The following ACSL3 variants were observed in gnomAD, a reference collection of about 807,000 sequenced individuals.
ACSL3 encodes the protein fatty acid CoA ligase Acsl3.
In ACSL3, 34 loss-of-function variants were observed where a neutral mutation model predicts 84.7. The ratio of observed to expected loss-of-function variants is 0.40; its 90% CI spans 0.31 to 0.53. The LOEUF (loss-of-function observed/expected upper bound fraction) is 0.53. Among genes scored for constraint, ACSL3 ranks in the 20% least tolerant of loss-of-function variants. The pLI, the probability that ACSL3 is intolerant of heterozygous loss-of-function variation, is 0.48. For synonymous variants in ACSL3, 315 were observed against 299.4 expected (o/e 1.05, Z -0.54); for missense variants, 680 against 873.1 (o/e 0.78, Z 2.79).
rs369324781 is a variant in ACSL3 at position 222,921,376 on chromosome 2, A to G, written c.902A>G (p.His301Arg). ...TGLPKGVMIS[H>R]SNIIAGITGM... ...CTTCCAAAGGGAGTCATGATCTCAC[A>G]TAGTAACATTATTGCTGGTATAACT... Residue 301 changes from histidine (H) to arginine (R), a missense_variant, in exon 8 of 17, where the codon CAT becomes CGT. Coordinates refer to ENST00000357430, the MANE Select transcript of ACSL3 (RefSeq NM_004457.5). The G allele has an allele frequency of 1.2e-6, 2 of 1,602,782 alleles. No homozygotes were observed. The highest frequency in any genetic ancestry group is 1.7e-6 in the Non-Finnish European group (2 of 1,170,558).
chr2:222,918,944 C>T, intron 6 of ACSL3, 120 bp from the exon 7 acceptor site: 2 of 1,207,514 alleles, frequency 1.7e-6, no homozygotes, highest in Non-Finnish European at 2.3e-6. Flanking sequence ...TGTACCCTTT[C>T]TTCTTTCTTT....
intron 4 of ACSL3, among the ~76,000 whole-genome samples, chr2:222,914,525 GT>G (rs1334608464): frequency 6.6e-6 from 1 of 152,140 alleles, no homozygotes; most frequent in African/African-American, 2.4e-5. Flanking sequence ...GCCTTCCAAA[GT>G]GTTGAGATTA....
intron 4 of ACSL3, among the ~76,000 whole-genome samples, chr2:222,911,269 G>A (rs1390657965): frequency 6.6e-6 from 1 of 152,014 alleles, no homozygotes; most frequent in African/African-American, 2.4e-5. Flanking sequence ...GGCTGGTCTC[G>A]AACTCCCAGC....
intron 4 of ACSL3, among the ~76,000 whole-genome samples, chr2:222,915,059 T>G (rs1370705606): frequency 6.6e-6 from 1 of 151,570 alleles, no homozygotes; most frequent in Non-Finnish European, 1.5e-5. Context: ...TCCTGTCACT[T>G]ACATATTAGA....
intron 1 of ACSL3, among the ~76,000 whole-genome samples, chr2:222,872,874 G>C (rs1317774743): frequency 6.6e-6 from 1 of 151,992 alleles, no homozygotes; most frequent in Admixed American, 6.6e-5. Flanking sequence ...TTGGCTTTGG[G>C]GAAAATCCAC....
chr2:222,874,913 C>A (rs1372733607), intron 1 of ACSL3, among the ~76,000 whole-genome samples: 1 of 151,328 alleles, frequency 6.6e-6, no homozygotes, highest in Non-Finnish European at 1.5e-5. Flanking sequence ...TTTGAGACAG[C>A]CTGGGCAACA....
At chr2:222,885,484 T>C (rs1695697530) in intron 1 of ACSL3, among the ~76,000 whole-genome samples, 1 of 152,170 alleles carries the variant, frequency 6.6e-6, no homozygotes, top group Non-Finnish European at 1.5e-5. Flanking sequence ...TAATAAACAA[T>C]GTGGAATTTT....
rs1697344010 is a variant in ACSL3 at position 222,942,630 on chromosome 2, A to G, written c.*976A>G. 1 of 201,470 alleles carries G rather than the reference A, an allele frequency of 5.0e-6. No homozygotes were observed. The highest frequency in any genetic ancestry group is 2.3e-5 in the African/African-American group (1 of 43,592). The allele number at this position is 201,470 out of a possible 1,614,324, so 12.5% of individuals were successfully genotyped here. On this transcript the variant is annotated 3_prime_UTR_variant, in exon 17 of 17. Coordinates refer to ENST00000357430, the MANE Select transcript of ACSL3 (RefSeq NM_004457.5). ...TCAAAGTCTCCTTTTAGTCTAGATA[A>G]TCATTATTTCATTTTAAAATTAGTG...
chr2:222,921,832 G>C (rs1416818652), intron 8 of ACSL3, among the ~76,000 whole-genome samples: 4 of 152,176 alleles, frequency 2.6e-5, no homozygotes, highest in Non-Finnish European at 5.9e-5. Flanking sequence ...AGTGGTAGCA[G>C]TGGAAGGTAG....
intron 1 of ACSL3, chr2:222,861,490 G>A (rs978920594): frequency 6.6e-6 from 1 of 152,154 alleles, no homozygotes; most frequent in African/African-American, 2.4e-5. Context: ...TGGGGCCTCG[G>A]CCCTGAGCCC....
chr2:222,940,054 A>G (rs1283980387), intron 16 of ACSL3, among the ~76,000 whole-genome samples: 1 of 152,224 alleles, frequency 6.6e-6, no homozygotes, highest in Non-Finnish European at 1.5e-5. Context: ...AAAATAAGTC[A>G]GTCCTACTGA....
intron 2 of ACSL3, among the ~76,000 whole-genome samples, chr2:222,891,736 T>G (rs1695849500): frequency 6.6e-6 from 1 of 152,208 alleles, no homozygotes; most frequent in South Asian, 2.1e-4. Context: ...TTCATGTAGA[T>G]ATATTCATGG....
chr2:222,916,890 C>T (rs924933433), intron 5 of ACSL3, among the ~76,000 whole-genome samples: 1 of 152,012 alleles, frequency 6.6e-6, no homozygotes, highest in African/African-American at 2.4e-5. Flanking sequence ...CTTCAAGGTG[C>T]AGGTTAAACA....
chr2:222,900,261 TG>T (rs1406897473), intron 2 of ACSL3, among the ~76,000 whole-genome samples: 1 of 152,244 alleles, frequency 6.6e-6, no homozygotes, highest in Admixed American at 6.5e-5. Flanking sequence ...TCCCCTCCCT[TG>T]GCTTTTGCAA....
Position 222,928,920 on chromosome 2 carries a change from A to G in ACSL3, c.1524A>G (p.Leu508=), listed in dbSNP as rs767738202. 149 of 1,613,450 alleles carry G rather than the reference A, an allele frequency of 9.2e-5. 1 individual carries two copies. Among genetic ancestry groups the G allele is most frequent in the Non-Finnish European group, 1.1e-4 (131 of 1,179,618 alleles). The change falls in exon 13 of 17, where the codon TTA becomes TTG. Residue 508 remains leucine, a synonymous_variant. Coordinates refer to ENST00000357430, the MANE Select transcript of ACSL3 (RefSeq NM_004457.5). ...GAPLVCCEIK[L]KNWEEGGYFN... ...CATTAGTTTGCTGTGAAATCAAATTAAAAAACTGGGAGGAAGGTAATAAAC... is the reference window on the plus strand; with the variant it reads ...CATTAGTTTGCTGTGAAATCAAATTGAAAAACTGGGAGGAAGGTAATAAAC...
At chr2:222,922,566 C>G (rs1163765228) in intron 8 of ACSL3, 142 bp from the exon 9 acceptor site, 11 of 989,926 alleles carry the variant, frequency 1.1e-5, no homozygotes, top group Non-Finnish European at 1.6e-5. Flanking sequence ...CTCTCTCTCT[C>G]TCTCACAAAC....
At chr2:222,870,884 G>A (rs867098241) in intron 1 of ACSL3, among the ~76,000 whole-genome samples, 62 of 152,242 alleles carry the variant, frequency 4.1e-4, no homozygotes, top group African/African-American at 1.4e-3. Context: ...CAATGAGGAG[G>A]GAATTGAGAT....
Position 222,933,243 on chromosome 2 carries a change from C to A in ACSL3, c.1810C>A (p.Leu604Ile), listed in dbSNP as rs1457900397. The A allele has an allele frequency of 6.2e-7, 1 of 1,613,564 alleles. No homozygotes were observed. The highest frequency in any genetic ancestry group is 1.3e-5 in the African/African-American group (1 of 74,924). Reference sequence around the variant, plus strand: ...GAAAGTAGAGGCAGCTTTGAAGAATCTTCCACTAGTAGATAACATTTGTGC... The same window carrying A: ...GAAAGTAGAGGCAGCTTTGAAGAATATTCCACTAGTAGATAACATTTGTGC... ...LGKVEAALKN[L>I]PLVDNICAYA... The change falls in exon 15 of 17, where the codon CTT (leucine) becomes ATT (isoleucine). Residue 604 changes from leucine to isoleucine, a missense_variant. Leu to Ile is a conservative substitution (Grantham distance 5). This residue lies in a region of ACSL3 where 347 missense variants were observed against 525.7 expected (regional missense o/e 0.66). Coordinates refer to ENST00000357430, the MANE Select transcript of ACSL3 (RefSeq NM_004457.5).
At chr2:222,893,688 T>G (rs899727686) in intron 2 of ACSL3, among the ~76,000 whole-genome samples, 5 of 152,054 alleles carry the variant, frequency 3.3e-5, no homozygotes, top group Non-Finnish European at 7.4e-5. Flanking sequence ...TTTCTCTTTT[T>G]CTTCCTTCTC....
Sources: allele counts gnomAD v4.1 joint callset (sites outside exome capture counted in the v4.1 genomes callset), GRCh38; gene constraint gnomAD v4.1.1; regional missense constraint gnomAD v4.1.1; transcripts MANE v1.5; gene names NCBI Gene and HGNC (gene_info 2026-07-23, HGNC 2026-07-21).